The following XKRX variants were observed in gnomAD, a reference collection of about 807,000 sequenced individuals.
The protein encoded by XKRX is XK related X-linked, also known as XK-related protein 2.
A neutral mutation model predicts 22.4 loss-of-function variants in XKRX; 11 were observed. The ratio of observed to expected loss-of-function variants is 0.49; its 90% confidence interval spans 0.31 to 0.81. The LOEUF (loss-of-function observed/expected upper bound fraction) is 0.81, where lower values mean the gene tolerates loss of function less well. XKRX is among the 40% of genes least tolerant of loss of function. The pLI is 0.05. For synonymous variants in XKRX, 114 were observed against 132.2 expected (o/e 0.86, Z 0.94); for missense variants, 320 against 336.5 (o/e 0.95, Z 0.38).
At chrX:100,891,951 A>T in the XKRX span, among the ~76,000 whole-genome samples, 1 of 111,489 alleles carries the variant, frequency 9.0e-6, no homozygotes, top group Admixed American at 9.6e-5. Context: ...CTAGAAGAAA[A>T]CATAATTTAA....
At chrX:100,948,295 G>A in the XKRX span, among the ~76,000 whole-genome samples, 1 of 111,641 alleles carries the variant, frequency 9.0e-6, no homozygotes, top group Admixed American at 9.6e-5. Context: ...ACCAAAGAAA[G>A]TAGAAAGAAA....
the XKRX span, among the ~76,000 whole-genome samples, chrX:100,903,453 A>G: frequency 9.8e-5 from 11 of 112,309 alleles, no homozygotes; most frequent in Admixed American, 1.0e-3. Context: ...GAACAAGTAG[A>G]ATTTGAAATT....
chrX:100,892,685 TG>T, the XKRX span, among the ~76,000 whole-genome samples: 1 of 112,435 alleles, frequency 8.9e-6, no homozygotes, highest in Non-Finnish European at 1.9e-5. Context: ...TAACAAGTGT[TG>T]GTGAGGGTAT....
At chrX:100,892,873 G>A in the XKRX span, among the ~76,000 whole-genome samples, 3 of 112,327 alleles carry the variant, frequency 2.7e-5, no homozygotes, top group Non-Finnish European at 5.6e-5. Flanking sequence ...GCATACCTTC[G>A]CTCTCAAATT....
the XKRX span, chrX:100,956,700 G>C: frequency 1.8e-6 from 1 of 555,351 alleles, no homozygotes; most frequent in South Asian, 2.3e-5. Context: ...TGAAGAGCAA[G>C]ATGATTGACA....
upstream of XKRX, among the ~76,000 whole-genome samples, chrX:100,930,325 A>AATAATG (rs1556209253): frequency 0.019 from 1,953 of 103,074 alleles, 21 homozygotes; most frequent in Middle Eastern, 0.039. Flanking sequence ...TAATAATAAT[A>AATAATG]ATGATGATTA....
the XKRX span, among the ~76,000 whole-genome samples, chrX:100,903,978 T>A: frequency 6.3e-5 from 7 of 111,851 alleles, no homozygotes; most frequent in Admixed American, 3.8e-4. Flanking sequence ...TGGATATCAA[T>A]AAACTGATTC....
the XKRX span, among the ~76,000 whole-genome samples, chrX:100,897,690 CAAA>C: frequency 7.7e-5 from 1 of 12,974 alleles, no homozygotes. Flanking sequence ...AACTCAACAG[CAAA>C]AAAAAAAAAA....
downstream of XKRX, among the ~76,000 whole-genome samples, chrX:100,910,504 G>C (rs1341488682): frequency 1.8e-5 from 2 of 108,411 alleles, no homozygotes; most frequent in African/African-American, 6.8e-5. Context: ...AGAATCACTT[G>C]AACCCGGGAG....
chrX:100,940,025 A>G, the XKRX span, among the ~76,000 whole-genome samples: 6 of 112,093 alleles, frequency 5.4e-5, no homozygotes, highest in Non-Finnish European at 1.1e-4. Context: ...AAATGGGCAC[A>G]TTTAACATGT....
chrX:100,939,684 C>T, the XKRX span, among the ~76,000 whole-genome samples: 1 of 112,223 alleles, frequency 8.9e-6, no homozygotes, highest in Admixed American at 9.5e-5. Context: ...GATCAGCTGA[C>T]ACCAGGCCAC....
chrX:100,904,286 C>G, the XKRX span, among the ~76,000 whole-genome samples: 1 of 110,894 alleles, frequency 9.0e-6, no homozygotes, highest in Non-Finnish European at 1.9e-5. Flanking sequence ...CATGCAGAAA[C>G]AAACAAACAA....
the XKRX span, among the ~76,000 whole-genome samples, chrX:100,954,194 G>A: frequency 1.9e-3 from 216 of 111,271 alleles, no homozygotes; most frequent in African/African-American, 6.4e-3. Flanking sequence ...CAAGGTGGGC[G>A]GATCATCTGA....
At chrX:100,900,589 C>G in the XKRX span, among the ~76,000 whole-genome samples, 176 of 109,054 alleles carry the variant, frequency 1.6e-3, 1 homozygote, top group African/African-American at 5.8e-3. Flanking sequence ...ATCATTTGAG[C>G]TAAGGAGTTC....
chrX:100,948,891 G>T, the XKRX span, among the ~76,000 whole-genome samples: 3 of 112,463 alleles, frequency 2.7e-5, no homozygotes, highest in African/African-American at 6.5e-5. Flanking sequence ...TTCCCCACTG[G>T]GGTAGTATTA....
At chrX:100,912,310 G>A (rs1602409330), downstream of XKRX, among the ~76,000 whole-genome samples, 1 of 111,227 alleles carries the variant, frequency 9.0e-6, no homozygotes, top group African/African-American at 3.3e-5. Flanking sequence ...AAAATGGAAT[G>A]GGGGAGTTGG....
chrX:100,917,674 A>AAAGAAAGAAAGAAAGAAAAGAAAG (rs34196882), intron 2 of XKRX, among the ~76,000 whole-genome samples: 9 of 25,411 alleles, frequency 3.5e-4, no homozygotes, highest in African/African-American at 1.6e-3. Context: ...AGAAAGAAAG[A>AAAGAAAGAAAGAAAGAAAAGAAAG]AAAGAAAGAA....
downstream of XKRX, among the ~76,000 whole-genome samples, chrX:100,912,189 T>C (rs1445797154): frequency 8.9e-6 from 1 of 111,772 alleles, no homozygotes; most frequent in Non-Finnish European, 1.9e-5. Context: ...AGAAGTAATG[T>C]GTTCTTCTGG....
At chrX:100,888,311 T>A in the XKRX span, 4 of 700,176 alleles carry the variant, frequency 5.7e-6, no homozygotes, top group African/African-American at 8.5e-5. Context: ...TCTTTGATAA[T>A]CTTCTCTTGA....
Sources: gnomAD v4.1 joint callset for allele counts (sites outside exome capture counted in the v4.1 genomes callset) on GRCh38, gnomAD v4.1.1 for gene constraint, MANE v1.5 for transcripts, NCBI Gene and HGNC (gene_info 2026-07-23, HGNC 2026-07-21) for gene names.